RFX7: variants seen among roughly 807,000 people sequenced by gnomAD.
RFX7 encodes the protein regulatory factor X7, also known as DNA-binding protein RFX7.
Under a neutral mutation model 111.8 loss-of-function variants are expected in RFX7, and 26 were observed. The observed-to-expected ratio is 0.23, with a 90% CI of 0.17 to 0.32. The LOEUF (loss-of-function observed/expected upper bound fraction) is 0.32. Ranked by LOEUF, RFX7 falls within the 10% of genes least tolerant of loss-of-function variation. The pLI is 1.00. For synonymous variants in RFX7, 624 were observed against 624.4 expected, an observed-to-expected ratio of 1.00 and a Z score of 0.01; for missense variants, 1,573 against 1,772.9, an observed-to-expected ratio of 0.89 and a Z score of 2.02.
Position 56,093,608 on chromosome 15 carries a change from T to C in RFX7, c.4120A>G (p.Thr1374Ala), listed in dbSNP as rs2041626326. Residue 1374 changes from threonine to alanine, a missense_variant, in exon 10 of 10, where the codon ACT (threonine) becomes GCT (alanine). By Grantham distance (58) the Thr-to-Ala change is moderately conservative (BLOSUM62 0). This residue lies in a region of RFX7 where 411 missense variants were observed against 478.1 expected (regional missense o/e 0.86). Transcript: ENST00000559447. ...QLVGQGASDLTNTASDFSSDI... is the reference protein window; with the variant it reads ...QLVGQGASDLANTASDFSSDI... ...CTAGAGAAATCAGATGCAGTATTAG[T>C]GAGATCAGATGCTCCCTGACCTACC... The C allele has an allele frequency of 6.2e-7, 1 of 1,613,852 alleles. No individual in the cohort carries two copies. Among genetic ancestry groups the C allele is most frequent in the East Asian group, 2.2e-5 (1 of 44,872 alleles).
At position 56,206,028 on chromosome 15, in the gene RFX7, A is replaced by G. The variant is rs570605966; in HGVS notation, c.162-26725T>C. 7.9e-5 allele frequency among the ~76,000 whole-genome samples: 12 copies of G among 152,312 alleles called. No individual in the cohort carries two copies. In the South Asian group the frequency reaches 8.3e-4, roughly 11 times the overall value. On this transcript the variant is annotated intron_variant, in intron 2 of 9. Coordinates refer to ENST00000559447, the MANE Select transcript of RFX7 (RefSeq NM_022841.7). ...TGGTGTAGCTGTTATGGAAAACAGTATGGTGGTTCATCAAAATATTAAAAT... is the reference window on the plus strand; with the variant it reads ...TGGTGTAGCTGTTATGGAAAACAGTGTGGTGGTTCATCAAAATATTAAAAT...
chr15:56,087,372 GTCA>G lies in RFX7; in HGVS notation c.*5970_*5972del, dbSNP rs2041540146. ...CTAGTTGGGCATCTTCCCTTCCAAA[GTCA>G]TCATGCCCTGGGCTCCTTGTATCTT... On this transcript the variant is annotated 3_prime_UTR_variant, in exon 10 of 10. Transcript: ENST00000559447. 2.2e-6 allele frequency: 1 copy of G among 455,274 alleles called. No individual in the cohort carries two copies. Among genetic ancestry groups the G allele is most frequent in the African/African-American group, 2.0e-5 (1 of 50,170 alleles). 28.2% of individuals were successfully genotyped at this position (455,274 alleles called of 1,614,324 possible).
chr15:56,237,846 G>A lies in RFX7; in HGVS notation c.161+5279C>T, dbSNP rs183748287. Among the ~76,000 whole-genome samples, 173 of 152,230 alleles carry A rather than the reference G, an allele frequency of 1.1e-3. 1 individual carries two copies. The highest frequency in any genetic ancestry group is 2.1e-3 in the Non-Finnish European group (145 of 68,008). On this transcript the variant is annotated intron_variant, in intron 2 of 9. Transcript: ENST00000559447. ...AGAGCAAGGAACTGCCTTCCTTCTG[G>A]AACCAGAAACCATGTTGGGACACAG...
chr15:56,135,888 CTTGT>C (rs1243272848), intron 5 of RFX7, among the ~76,000 whole-genome samples: 19 of 152,144 alleles, frequency 1.2e-4, no homozygotes, highest in African/African-American at 4.6e-4. Flanking sequence ...TTCCCCATTG[CTTGT>C]TTTTCTCAGG....
intron 5 of RFX7, among the ~76,000 whole-genome samples, chr15:56,140,343 A>G (rs1278710586): frequency 6.6e-6 from 1 of 152,180 alleles, no homozygotes; most frequent in Non-Finnish European, 1.5e-5. Context: ...AGCCCGTCGG[A>G]AAAGCGCAGT....
chr15:56,115,210 C>T (rs1415591110), intron 5 of RFX7, among the ~76,000 whole-genome samples: 1 of 152,100 alleles, frequency 6.6e-6, no homozygotes, highest in African/African-American at 2.4e-5. Flanking sequence ...CAGGGATTTG[C>T]CATGTTGGCC....
intron 5 of RFX7, among the ~76,000 whole-genome samples, chr15:56,131,427 C>T (rs1465213153): frequency 9.2e-5 from 14 of 152,060 alleles, no homozygotes; most frequent in African/African-American, 3.4e-4. Flanking sequence ...CCACCATGCC[C>T]AGCTAATTTT....
chr15:56,105,689 G>C (rs941088266), intron 5 of RFX7, among the ~76,000 whole-genome samples: 3 of 151,760 alleles, frequency 2.0e-5, no homozygotes, highest in Non-Finnish European at 2.9e-5. Flanking sequence ...AGGGGTAGGA[G>C]AAAGGTTGGC....
chr15:56,210,606 T>G (rs796452094), intron 2 of RFX7, among the ~76,000 whole-genome samples: 3 of 151,900 alleles, frequency 2.0e-5, no homozygotes, highest in Admixed American at 1.3e-4. Flanking sequence ...AATTATAGAG[T>G]ATCTCCCCTC....
At chr15:56,141,368 A>G (rs1201490516) in intron 5 of RFX7, among the ~76,000 whole-genome samples, 1 of 151,936 alleles carries the variant, frequency 6.6e-6, no homozygotes, top group Non-Finnish European at 1.5e-5. Context: ...CCCTGTCTCA[A>G]AAAACAAACA....
At chr15:56,215,371 C>T (rs1375212290) in intron 2 of RFX7, among the ~76,000 whole-genome samples, 1 of 152,206 alleles carries the variant, frequency 6.6e-6, no homozygotes, top group Non-Finnish European at 1.5e-5. Flanking sequence ...AAGAAGTCCC[C>T]TTCTGTTCCT....
chr15:56,222,001 A>T (rs531807188), intron 2 of RFX7, among the ~76,000 whole-genome samples: 14 of 152,200 alleles, frequency 9.2e-5, no homozygotes, highest in South Asian at 2.1e-4. Context: ...TCTGACTGGC[A>T]TCAGTTTCCT....
chr15:56,179,037 A>C (rs570929415), intron 3 of RFX7: 10 of 177,090 alleles, frequency 5.6e-5, no homozygotes, highest in Non-Finnish European at 1.2e-4. Context: ...GAGCCAGTTA[A>C]GATTCAAAAA....
At chr15:56,213,125 A>C (rs1159616964) in intron 2 of RFX7, among the ~76,000 whole-genome samples, 1 of 152,220 alleles carries the variant, frequency 6.6e-6, no homozygotes, top group Non-Finnish European at 1.5e-5. Flanking sequence ...TTAGGAAATT[A>C]AACTTGCAAC....
In RFX7 at chr15:56,239,336, T is replaced by C. The variant is rs150383660; in HGVS notation, c.161+3789A>G. On this transcript the variant is annotated intron_variant, in intron 2 of 9. Coordinates refer to ENST00000559447, the MANE Select transcript of RFX7 (RefSeq NM_022841.7). ...CAGACTGGAGTGCAATGGTGCAATC[T>C]CGGCTCACAGCAACCTCCGCCTCCT... Among the ~76,000 whole-genome samples, 785 of 151,982 alleles carry C rather than the reference T, an allele frequency of 5.2e-3. 12 individuals carry two copies. The highest frequency in any genetic ancestry group is 0.018 in the African/African-American group (758 of 41,432).
rs559865534 is a variant in RFX7 at position 56,200,571 on chromosome 15, T to C, written c.162-21268A>G. On this transcript the variant is annotated intron_variant, in intron 2 of 9. Coordinates refer to ENST00000559447, the MANE Select transcript of RFX7 (RefSeq NM_022841.7). ...ATCCCAGCACTTTGGGAGGCCGAGG[T>C]GGGCGGATCACGAGGTCAGGAGATC... Among the ~76,000 whole-genome samples, 128 of 151,992 alleles carry C rather than the reference T, an allele frequency of 8.4e-4. 1 individual carries two copies. The highest frequency in any genetic ancestry group is 2.9e-3 in the African/African-American group (122 of 41,444).
chr15:56,187,199 T>A (rs1202423977), intron 2 of RFX7, among the ~76,000 whole-genome samples: 1 of 151,376 alleles, frequency 6.6e-6, no homozygotes, highest in Non-Finnish European at 1.5e-5. Context: ...ATGAGAAAAC[T>A]GTACTGGTAG....
chr15:56,150,576 G>C (rs916681293), intron 3 of RFX7, among the ~76,000 whole-genome samples: 5 of 152,208 alleles, frequency 3.3e-5, no homozygotes, highest in Non-Finnish European at 7.3e-5. Context: ...CAACATCAAA[G>C]ACAAAAGGTA....
chr15:56,145,776 G>A (rs1472006805), intron 3 of RFX7, among the ~76,000 whole-genome samples: 12 of 152,018 alleles, frequency 7.9e-5, no homozygotes, highest in African/African-American at 2.7e-4. Flanking sequence ...TTCCAGTCTC[G>A]ATTTTTCACT....
Sources: gnomAD v4.1 joint callset for allele counts (sites outside exome capture counted in the v4.1 genomes callset) on GRCh38, gnomAD v4.1.1 for gene constraint, gnomAD v4.1.1 regional missense constraint, MANE v1.5 for transcripts, NCBI Gene and HGNC (gene_info 2026-07-23, HGNC 2026-07-21) for gene names.